Variants in ARHGEF1 observed in about 807,000 individuals in gnomAD.
ARHGEF1 encodes the protein 115 kDa guanine nucleotide exchange factor.
In ARHGEF1, 40 loss-of-function variants were observed where a neutral mutation model predicts 119.7. The observed-to-expected ratio is 0.33, with a 90% CI of 0.26 to 0.44. ARHGEF1 has a LOEUF of 0.44. Ranked by LOEUF, ARHGEF1 falls within the 20% of genes least tolerant of loss-of-function variation. The pLI, the probability that ARHGEF1 is intolerant of heterozygous loss-of-function variation, is 1.00. For synonymous variants in ARHGEF1, 494 were observed against 521.0 expected, an observed-to-expected ratio of 0.95 and a Z score of 0.71; for missense variants, 976 against 1,268.3, an observed-to-expected ratio of 0.77 and a Z score of 3.50.
At chr19:41,908,811 T>C, downstream of ARHGEF1, 2 of 473,968 alleles carry the variant, frequency 4.2e-6, no homozygotes, top group Non-Finnish European at 6.6e-6. This position sits in a 1 kb window ranked among gnomAD's most constrained non-coding sequence, Gnocchi z 6.7. Context: ...TCATACAGCT[T>C]CCCCCAACTC....
intron 1 of ARHGEF1, among the ~76,000 whole-genome samples, chr19:41,926,889 A>G (rs543849446): frequency 6.6e-6 from 1 of 152,278 alleles, no homozygotes; most frequent in Non-Finnish European, 1.5e-5. Context: ...AGGGGGAGAC[A>G]GAGACAGAGA....
intron 14 of ARHGEF1, among the ~76,000 whole-genome samples, chr19:41,900,587 G>A (rs1197753606): frequency 6.6e-6 from 1 of 152,074 alleles, no homozygotes; most frequent in Non-Finnish European, 1.5e-5. Context: ...GTCAACCACT[G>A]TATAATGTGG....
Position 41,892,790 on chromosome 19 carries a change from C to T in ARHGEF1, c.555C>T (p.Ser185=), listed in dbSNP as rs1555846550. The T allele has an allele frequency of 6.3e-7, 1 of 1,598,716 alleles. No homozygotes were observed. Among genetic ancestry groups the T allele is most frequent in the East Asian group, 2.2e-5 (1 of 44,642 alleles). The change falls in exon 7 of 29, where the codon AGC becomes AGT. Residue 185 remains serine, a synonymous_variant. Transcript: ENST00000354532. The surrounding 1 kb of genome is among the most constrained non-coding windows in gnomAD (Gnocchi z 6.3). ...LEAWVGRDRA[S]YEARERHVAE... ...CTTGGGTTGGGCGGGACCGAGCCAG[C>T]TACGAGGCCCGGGAGCGGCACGTGG...
In ARHGEF1 at chr19:41,916,768, CCA is replaced by C. The variant is rs1482906340; in HGVS notation, c.1866-6314_1866-6313del. ...CAACCCAGACAGCCAACGCACACGG[CCA>C]CACACACACCCATTCACAGACACAG... is the stretch of plus-strand genomic sequence containing the variant. On this transcript the variant is annotated intron_variant, in intron 18 of 20. Coordinates refer to the ARHGEF1 transcript ENST00000599589. This position sits in a 1 kb window ranked among gnomAD's most constrained non-coding sequence, Gnocchi z 5.4. 6.6e-6 allele frequency among the ~76,000 whole-genome samples: 1 copy of C among 151,810 alleles called. No homozygotes were observed. The highest frequency in any genetic ancestry group is 6.6e-5 in the Admixed American group (1 of 15,244).
chr19:41,897,719 C>T (rs943416997), intron 13 of ARHGEF1: 1 of 443,952 alleles, frequency 2.3e-6, no homozygotes, highest in Non-Finnish European at 3.9e-6. Context: ...CGGTCCTGGT[C>T]TCTCCCTGTC....
rs1555849216 is a variant in ARHGEF1, at chr19:41,902,435, C to T, written c.1497+79C>T. ...CGGGACGGGTCCTGAGCCCACCCTACTCCAGTCCCAGGGTCTGGGCTTCCA... is the reference window on the plus strand; with the variant it reads ...CGGGACGGGTCCTGAGCCCACCCTATTCCAGTCCCAGGGTCTGGGCTTCCA... On this transcript the variant is annotated intron_variant, in intron 16 of 28. Coordinates refer to ENST00000354532, the MANE Select transcript of ARHGEF1 (RefSeq NM_004706.4). The surrounding 1 kb of genome is among the most constrained non-coding windows in gnomAD (Gnocchi z 6.5). 3.1e-6 allele frequency: 5 copies of T among 1,611,394 alleles called. No individual in the cohort carries two copies. Among genetic ancestry groups the T allele is most frequent in the Non-Finnish European group, 4.2e-6 (5 of 1,178,660 alleles).
At chr19:41,887,398 G>A (rs529841904) in intron 1 of ARHGEF1, among the ~76,000 whole-genome samples, 42 of 152,296 alleles carry the variant, frequency 2.8e-4, no homozygotes, top group African/African-American at 9.4e-4. Context: ...GGCTGTCTGA[G>A]GCCCCATCAC....
chr19:41,920,902 C>A (rs528794107), upstream of ARHGEF1, among the ~76,000 whole-genome samples: 2 of 152,174 alleles, frequency 1.3e-5, no homozygotes, highest in African/African-American at 2.4e-5. Flanking sequence ...CCCACACCCC[C>A]CTCCCTCTGT....
chr19:41,928,017 C>G (rs1442270076), intron 1 of ARHGEF1: 2 of 152,186 alleles, frequency 1.3e-5, no homozygotes, highest in Non-Finnish European at 2.9e-5. Context: ...CCCGCCCCTG[C>G]GCCGGCCGCG....
Position 41,906,279 on chromosome 19 carries a change from A to C in ARHGEF1, c.2492-178A>C. 2.9e-6 allele frequency: 2 copies of C among 698,042 alleles called. No individual in the cohort carries two copies. Among genetic ancestry groups the C allele is most frequent in the Non-Finnish European group, 4.8e-6 (2 of 416,054 alleles). 43.2% of individuals were successfully genotyped at this position (698,042 alleles called of 1,614,324 possible). ...TTCAGTACCTTCCTGCCCTGTCCCA[A>C]CCCTAAACCCAGCCTCACTTCTTCA... On this transcript the variant is annotated intron_variant, in intron 26 of 28. Coordinates refer to ENST00000354532, the MANE Select transcript of ARHGEF1 (RefSeq NM_004706.4). This position sits in a 1 kb window ranked among gnomAD's most constrained non-coding sequence, Gnocchi z 4.5.
chr19:41,909,785 C>T, downstream of ARHGEF1: 1 of 1,449,766 alleles, frequency 6.9e-7, no homozygotes, highest in Admixed American at 2.2e-5. The surrounding 1 kb of genome is among the most constrained non-coding windows in gnomAD (Gnocchi z 5.2). Flanking sequence ...GGAACCTGCC[C>T]CAGGATGCAG....
rs1204062704 is a variant in ARHGEF1 at position 41,917,916 on chromosome 19, GTCACACACTGTGTGTGTGTGTGC to G, written c.1866-5167_1866-5145del. 2.0e-5 allele frequency among the ~76,000 whole-genome samples: 3 copies of G among 151,856 alleles called. No individual in the cohort carries two copies. The highest frequency in any genetic ancestry group is 6.6e-5 in the Admixed American group (1 of 15,262). ...GGGTGCACGAAGCCAGCTCCCCGCG[GTCACACACTGTGTGTGTGTGTGC>G]TCACACACCTGTCCGTCCAGACTAT... On this transcript the variant is annotated intron_variant, in intron 18 of 20. Coordinates refer to the ARHGEF1 transcript ENST00000599589. The surrounding 1 kb of genome is among the most constrained non-coding windows in gnomAD (Gnocchi z 4.8).
Position 41,905,188 on chromosome 19 carries a change from A to G in ARHGEF1, c.2263A>G (p.Ile755Val). ...VSERKNWCAL[I>V]TETAGSLKVP... ...CTTTCTCCCCAGCTGGTGTGCTCTC[A>G]TCACTGAGACTGCCGGATCCCTGAA... is the stretch of plus-strand genomic sequence containing the variant. Residue 755 changes from isoleucine to valine, a missense_variant, in exon 24 of 29, where the codon ATC becomes GTC. Physicochemically the swap from Ile to Val is conservative, Grantham distance 29. This residue lies in a region of ARHGEF1 where 286 missense variants were observed against 506.8 expected (regional missense o/e 0.56). Coordinates refer to ENST00000354532, the MANE Select transcript of ARHGEF1 (RefSeq NM_004706.4). This position sits in a 1 kb window ranked among gnomAD's most constrained non-coding sequence, Gnocchi z 6.4. 6.2e-7 allele frequency: 1 copy of G among 1,614,004 alleles called. No individual in the cohort carries two copies.
At position 41,904,379 on chromosome 19, in the gene ARHGEF1, C is replaced by T; in HGVS notation, c.2157C>T (p.Ala719=). ...RLTSAMTREV[A]TDHKAFYVLF... ...CCTCCGCCATGACCCGCGAGGTGGCCACCGGTGAGTGCAGCCACTGCATGG... is the reference window on the plus strand; with the variant it reads ...CCTCCGCCATGACCCGCGAGGTGGCTACCGGTGAGTGCAGCCACTGCATGG... The change falls in exon 22 of 29, where the codon GCC becomes GCT. Residue 719 remains alanine (A), a synonymous_variant. Transcript: ENST00000354532. The surrounding 1 kb of genome is among the most constrained non-coding windows in gnomAD (Gnocchi z 8.4). The T allele has an allele frequency of 6.4e-7, 1 of 1,568,690 alleles. No individual in the cohort carries two copies.
chr19:41,908,089 G>C, downstream of ARHGEF1: 1 of 595,738 alleles, frequency 1.7e-6, no homozygotes, highest in Non-Finnish European at 2.5e-6. The surrounding 1 kb of genome is among the most constrained non-coding windows in gnomAD (Gnocchi z 6.7). Context: ...CTCTGGGGCT[G>C]GGGAAGGAGA....
chr19:41,907,264 C>G lies in ARHGEF1; in HGVS notation c.*177C>G, dbSNP rs192515803. 2.6e-5 allele frequency: 40 copies of G among 1,526,388 alleles called. No homozygotes were observed. In the Admixed American group the frequency reaches 6.8e-4, roughly 26 times the overall value. 94.6% of individuals were successfully genotyped at this position (1,526,388 alleles called of 1,614,324 possible). ...GGGGTTACTGGCCCCGCATGAGCCT[C>G]GGCCATCTCTCCCTCCTGCCCTCTG... On this transcript the variant is annotated 3_prime_UTR_variant, in exon 29 of 29. Transcript: ENST00000354532.
At chr19:41,920,827 G>A (rs1555852415), upstream of ARHGEF1, among the ~76,000 whole-genome samples, 3 of 152,352 alleles carry the variant, frequency 2.0e-5, no homozygotes, top group South Asian at 2.1e-4. Flanking sequence ...TGCTACCCTC[G>A]CTTGAGAGGT....
rs2145876014 is a variant in ARHGEF1 at position 41,907,318 on chromosome 19, G to A, written c.*231G>A. 2.0e-6 allele frequency: 3 copies of A among 1,534,184 alleles called. No homozygotes were observed. On this transcript the variant is annotated 3_prime_UTR_variant, in exon 29 of 29. Coordinates refer to ENST00000354532, the MANE Select transcript of ARHGEF1 (RefSeq NM_004706.4). The stretch of plus-strand genomic sequence containing the variant: ...GGGGGACTCAGGGCTCCATTCTGGA[G>A]GGCACCACGGTGACCCGGGCCATCT...
chr19:41,918,956 A>T (rs2074820962), upstream of ARHGEF1, among the ~76,000 whole-genome samples: 1 of 149,312 alleles, frequency 6.7e-6, no homozygotes. Context: ...CCATACACAC[A>T]TGCACACCAC....
Sources: allele counts gnomAD v4.1 joint callset (sites outside exome capture counted in the v4.1 genomes callset), GRCh38; gene constraint gnomAD v4.1.1; regional missense constraint gnomAD v4.1.1; non-coding constraint Gnocchi (gnomAD v3.1); transcripts MANE v1.5; gene names NCBI Gene and HGNC (gene_info 2026-07-23, HGNC 2026-07-21).